Variants in TIAM1 observed in about 807,000 individuals in gnomAD.
The protein encoded by TIAM1 is TIAM Rac1 associated GEF 1, also known as rho guanine nucleotide exchange factor TIAM1.
Under a neutral mutation model 163.5 loss-of-function variants are expected in TIAM1, and 65 were observed. That is an observed-to-expected ratio of 0.40 (90% CI 0.33 to 0.49). TIAM1 has a LOEUF of 0.49. Ranked by LOEUF, TIAM1 falls within the 20% of genes least tolerant of loss-of-function variation. TIAM1 has a pLI of 0.77. For synonymous variants in TIAM1, 833 were observed against 810.1 expected (o/e 1.03, Z -0.48); for missense variants, 1,789 against 2,044.7 (o/e 0.87, Z 2.41).
rs148240487 is a variant in TIAM1 at position 31,409,376 on chromosome 21, G to A, written c.-369+54607C>T. 2.2e-3 allele frequency among the ~76,000 whole-genome samples: 332 copies of A among 152,188 alleles called. 1 individual carries two copies. Among genetic ancestry groups the A allele is most frequent in the African/African-American group, 7.4e-3 (308 of 41,532 alleles). ...ACCCGCCTCGGCCTCCCAAAGTGTC[G>A]GGATTACAGGCGTGAGCCACCACAC... is the stretch of plus-strand genomic sequence containing the variant. On this transcript the variant is annotated intron_variant, in intron 2 of 28. Coordinates refer to the TIAM1 transcript ENST00000286827.
chr21:31,381,624 C>T (rs1020438918), intron 2 of TIAM1, among the ~76,000 whole-genome samples: 18 of 152,080 alleles, frequency 1.2e-4, no homozygotes, highest in Admixed American at 6.6e-4. Flanking sequence ...GCTGAGATCA[C>T]GCCACTGCAC....
At chr21:31,430,225 A>ATATATATAT (rs1177898443) in intron 2 of TIAM1, among the ~76,000 whole-genome samples, 1 of 90,276 alleles carries the variant, frequency 1.1e-5, no homozygotes. Flanking sequence ...AAAAAAAAAA[A>ATATATATAT]ATATATATAT....
chr21:31,171,893 C>A (rs1281033067), intron 15 of TIAM1, among the ~76,000 whole-genome samples: 1 of 152,180 alleles, frequency 6.6e-6, no homozygotes, highest in African/African-American at 2.4e-5. Flanking sequence ...TGTTTAGTCA[C>A]CATACGTGGG....
chr21:31,339,539 T>C, intron 1 of TIAM1, 117 bp from the exon 2 acceptor site: 1 of 396,528 alleles, frequency 2.5e-6, no homozygotes, highest in Non-Finnish European at 4.4e-6. Context: ...GTACCTTACA[T>C]GTTGTAGACA....
chr21:31,250,452 T>C (rs1419928068), intron 5 of TIAM1, among the ~76,000 whole-genome samples: 1 of 152,184 alleles, frequency 6.6e-6, no homozygotes, highest in African/African-American at 2.4e-5. Flanking sequence ...CCAACGCAAG[T>C]CCTACTTGTG....
chr21:31,410,425 T>C (rs1285416450), intron 2 of TIAM1, among the ~76,000 whole-genome samples: 1 of 151,568 alleles, frequency 6.6e-6, no homozygotes, highest in Non-Finnish European at 1.5e-5. Flanking sequence ...TGTGAGTGCG[T>C]AAGTGTATGA....
At chr21:31,544,382 AT>A (rs999306947) in intron 1 of TIAM1, among the ~76,000 whole-genome samples, 1 of 63,440 alleles carries the variant, frequency 1.6e-5, no homozygotes, top group African/African-American at 3.7e-5. Flanking sequence ...CAGAGCTAAC[AT>A]TTGGTTCCGG....
At chr21:31,390,024 T>A (rs975282087) in intron 2 of TIAM1, among the ~76,000 whole-genome samples, 1 of 152,168 alleles carries the variant, frequency 6.6e-6, no homozygotes, top group Non-Finnish European at 1.5e-5. Flanking sequence ...ATTTTAAAGA[T>A]ATATTTTTAA....
chr21:31,296,002 T>G (rs1004072572), intron 2 of TIAM1, among the ~76,000 whole-genome samples: 1 of 152,162 alleles, frequency 6.6e-6, no homozygotes, highest in Non-Finnish European at 1.5e-5. Flanking sequence ...TTTCGCCATG[T>G]TGGGCAGACT....
intron 3 of TIAM1, among the ~76,000 whole-genome samples, chr21:31,269,418 G>T (rs550572415): frequency 6.6e-6 from 1 of 152,338 alleles, no homozygotes; most frequent in Admixed American, 6.5e-5. Context: ...GAGTGAGCAG[G>T]AAGTTTGAAG....
intron 8 of TIAM1, 102 bp downstream of exon 8, chr21:31,223,304 C>CA: frequency 1.5e-6 from 2 of 1,310,670 alleles, no homozygotes; most frequent in Non-Finnish European, 2.1e-6. Context: ...AATCCATACA[C>CA]AGCAGGAAGC....
chr21:31,398,757 AGAAC>A (rs2077115295), intron 2 of TIAM1, among the ~76,000 whole-genome samples: 1 of 152,280 alleles, frequency 6.6e-6, no homozygotes, highest in Admixed American at 6.5e-5. Context: ...GCAGATATGG[AGAAC>A]GATTTAGTGT....
intron 1 of TIAM1, among the ~76,000 whole-genome samples, chr21:31,521,745 A>AACACACACACACACACAC (rs35006738): frequency 0.012 from 1,753 of 146,924 alleles, 25 homozygotes; most frequent in Middle Eastern, 0.021. Context: ...CTCACACACA[A>AACACACACACACACACAC]ACACACACAC....
At chr21:31,401,066 AAATAAATAAATG>A (rs1240416054) in intron 2 of TIAM1, among the ~76,000 whole-genome samples, 1 of 152,178 alleles carries the variant, frequency 6.6e-6, no homozygotes, top group African/African-American at 2.4e-5. Flanking sequence ...ATCTCAAAAT[AAATAAATAAATG>A]AATAAATAAA....
intron 2 of TIAM1, among the ~76,000 whole-genome samples, chr21:31,418,341 C>CAA (rs71193114): frequency 0.015 from 522 of 34,620 alleles, 41 homozygotes; most frequent in East Asian, 0.075. Context: ...GACTCTGTCT[C>CAA]AAAAAAAAAA....
chr21:31,275,892 T>C (rs1053743984), intron 3 of TIAM1, among the ~76,000 whole-genome samples: 3 of 152,178 alleles, frequency 2.0e-5, no homozygotes, highest in African/African-American at 7.2e-5. Flanking sequence ...TAAGTTATAA[T>C]GATTAATAAT....
At chr21:31,448,255 G>A (rs1005375406) in intron 2 of TIAM1, among the ~76,000 whole-genome samples, 2 of 152,122 alleles carry the variant, frequency 1.3e-5, no homozygotes, top group African/African-American at 2.4e-5. Context: ...AGGAACACTG[G>A]TTACTCCTAA....
At chr21:31,495,114 G>C (rs2046597191) in intron 1 of TIAM1, among the ~76,000 whole-genome samples, 1 of 152,162 alleles carries the variant, frequency 6.6e-6, no homozygotes, top group Non-Finnish European at 1.5e-5. Context: ...AAAGTGTGTG[G>C]ATACATATTT....
chr21:31,205,196 G>A (rs1336428142), intron 11 of TIAM1, among the ~76,000 whole-genome samples: 1 of 152,224 alleles, frequency 6.6e-6, no homozygotes, highest in Non-Finnish European at 1.5e-5. Flanking sequence ...AGAGATCGAA[G>A]CTGCAAATGT....
Sources: allele counts gnomAD v4.1 joint callset (sites outside exome capture counted in the v4.1 genomes callset), GRCh38; gene constraint gnomAD v4.1.1; transcripts MANE v1.5; gene names NCBI Gene and HGNC (gene_info 2026-07-23, HGNC 2026-07-21).